Variants in CDH18 observed in about 807,000 individuals in gnomAD.
CDH18 encodes cadherin-18.
CDH18 carries 31 observed loss-of-function variants against 67.9 expected under a neutral mutation model. The ratio of observed to expected loss-of-function variants is 0.46; its 90% CI spans 0.34 to 0.62. The LOEUF (loss-of-function observed/expected upper bound fraction) is 0.62, where lower values mean the gene tolerates loss of function less well. CDH18 is among the 20% of genes least tolerant of loss of function. The pLI, the probability that CDH18 is intolerant of heterozygous loss-of-function variation, is 0.01. For missense variants in CDH18, 890 were observed against 975.5 expected (o/e 0.91, Z 1.17); for synonymous variants, 362 against 347.2 (o/e 1.04, Z -0.48).
chr5:19,686,374 A>T (rs1249478366), intron 5 of CDH18, among the ~76,000 whole-genome samples: 1 of 152,182 alleles, frequency 6.6e-6, no homozygotes, highest in Non-Finnish European at 1.5e-5. Flanking sequence ...TGAAGTTTTT[A>T]TGTGATAGTA....
chr5:19,818,559 A>T (rs1031923568), intron 3 of CDH18, among the ~76,000 whole-genome samples: 4 of 152,204 alleles, frequency 2.6e-5, no homozygotes, highest in Non-Finnish European at 5.9e-5. Flanking sequence ...ATACATTCTG[A>T]GAAGTGCATC....
chr5:19,820,249 C>CG (rs1779725677), intron 3 of CDH18, among the ~76,000 whole-genome samples: 1 of 152,116 alleles, frequency 6.6e-6, no homozygotes, highest in Non-Finnish European at 1.5e-5. Flanking sequence ...CTCCCTAAGG[C>CG]AGCCCTAGAG....
intron 1 of CDH18, among the ~76,000 whole-genome samples, chr5:20,468,006 G>GTATCTATT (rs146218771): frequency 2.7e-5 from 4 of 148,496 alleles, no homozygotes; most frequent in African/African-American, 1.0e-4. Flanking sequence ...ATTTATTTAT[G>GTATCTATT]TATTTATTTA....
At chr5:20,471,833 T>TTGAAAAAA (rs757184101) in intron 1 of CDH18, among the ~76,000 whole-genome samples, 1 of 51,500 alleles carries the variant, frequency 1.9e-5, no homozygotes, top group African/African-American at 6.5e-5. Flanking sequence ...AGATTCAGTC[T>TTGAAAAAA]AAAAAAAAAA....
chr5:20,280,778 G>A (rs920339626), intron 1 of CDH18, among the ~76,000 whole-genome samples: 2 of 152,110 alleles, frequency 1.3e-5, no homozygotes, highest in African/African-American at 4.8e-5. Context: ...CTGAGGAATC[G>A]CCACACTGAC....
intron 2 of CDH18, among the ~76,000 whole-genome samples, chr5:19,879,088 T>C (rs977285790): frequency 6.6e-6 from 1 of 152,108 alleles, no homozygotes; most frequent in East Asian, 1.9e-4. Context: ...CAATGAATAA[T>C]ACTCTAATCT....
intron 6 of CDH18, among the ~76,000 whole-genome samples, chr5:19,593,707 C>CCTCCTCCTCCTCCTCCTTCTTCTT: frequency 2.4e-3 from 81 of 33,324 alleles, no homozygotes; most frequent in African/African-American, 8.9e-3. Context: ...TCCTCCTCCT[C>CCTCCTCCTCCTCCTCCTTCTTCTT]CTTCTTCTTC....
rs115517075 is a variant in CDH18, at chr5:20,241,084, A to C, written c.-518+14360T>G. 1.0e-3 allele frequency among the ~76,000 whole-genome samples: 156 copies of C among 152,344 alleles called. 1 individual carries two copies. Among genetic ancestry groups the C allele is most frequent in the African/African-American group, 3.6e-3 (150 of 41,582 alleles). On this transcript the variant is annotated intron_variant, in intron 2 of 14. Transcript: ENST00000507958. The stretch of plus-strand genomic sequence containing the variant: ...CATTTCAAAAATATGAGAAAACAAA[A>C]CATTGTATTTACAGTCTTCCTCTGT...
chr5:20,134,632 A>T (rs759841062), intron 2 of CDH18, among the ~76,000 whole-genome samples: 9 of 152,160 alleles, frequency 5.9e-5, no homozygotes, highest in Non-Finnish European at 1.3e-4. Context: ...ATAATTCAAG[A>T]TAAGATTTGG....
intron 2 of CDH18, among the ~76,000 whole-genome samples, chr5:20,179,206 T>C (rs554390370): frequency 1.3e-5 from 2 of 152,292 alleles, no homozygotes; most frequent in East Asian, 3.9e-4. Context: ...ACATACTAAA[T>C]ATGAAGAAGC....
At chr5:19,676,243 G>T (rs1285937276) in intron 5 of CDH18, among the ~76,000 whole-genome samples, 1 of 152,038 alleles carries the variant, frequency 6.6e-6, no homozygotes, top group Non-Finnish European at 1.5e-5. Flanking sequence ...TGAAAGAGCA[G>T]AGAAAGCAAG....
chr5:20,108,574 C>T (rs1747190616), intron 2 of CDH18, among the ~76,000 whole-genome samples: 1 of 152,056 alleles, frequency 6.6e-6, no homozygotes, highest in Non-Finnish European at 1.5e-5. Flanking sequence ...ACACTCATCC[C>T]TCCACCCACA....
upstream of CDH18, among the ~76,000 whole-genome samples, chr5:19,988,509 C>A (rs1341760503): frequency 6.6e-6 from 1 of 152,006 alleles, no homozygotes; most frequent in African/African-American, 2.4e-5. Flanking sequence ...TAAATAAAAT[C>A]CCTGATCCAA....
chr5:20,172,226 A>ATATATATATATATATATATATATG (rs1736861001), intron 2 of CDH18, among the ~76,000 whole-genome samples: 1 of 105,834 alleles, frequency 9.4e-6, no homozygotes, highest in Non-Finnish European at 1.8e-5. Flanking sequence ...ATATATATGT[A>ATATATATATATATATATATATATG]TATATATATA....
chr5:20,138,942 T>C (rs1361679388), intron 2 of CDH18, among the ~76,000 whole-genome samples: 1 of 152,140 alleles, frequency 6.6e-6, no homozygotes, highest in Non-Finnish European at 1.5e-5. Flanking sequence ...AATGACTCTC[T>C]TCACAGAATT....
At chr5:19,816,062 GT>G (rs1561362829) in intron 3 of CDH18, among the ~76,000 whole-genome samples, 2 of 151,790 alleles carry the variant, frequency 1.3e-5, no homozygotes, top group African/African-American at 4.8e-5. Context: ...TCATTCTTTT[GT>G]TTATTCAGAA....
At chr5:20,524,602 A>C (rs977094170) in intron 1 of CDH18, among the ~76,000 whole-genome samples, 1 of 152,224 alleles carries the variant, frequency 6.6e-6, no homozygotes, top group African/African-American at 2.4e-5. Flanking sequence ...GTATATGTAC[A>C]TATCAATATA....
At chr5:20,125,188 T>A (rs780289518) in intron 2 of CDH18, among the ~76,000 whole-genome samples, 20 of 152,170 alleles carry the variant, frequency 1.3e-4, no homozygotes, top group Non-Finnish European at 2.4e-4. Context: ...TGCCTGAGAA[T>A]TTTTTAGACA....
At chr5:20,573,948 T>C (rs1758972066) in intron 1 of CDH18, among the ~76,000 whole-genome samples, 1 of 145,186 alleles carries the variant, frequency 6.9e-6, no homozygotes, top group Admixed American at 7.0e-5. Context: ...TTCTTTTAAG[T>C]ATTTTATATA....
Sources: gnomAD v4.1 joint callset for allele counts (sites outside exome capture counted in the v4.1 genomes callset) on GRCh38, gnomAD v4.1.1 for gene constraint, MANE v1.5 for transcripts, NCBI Gene and HGNC (gene_info 2026-07-23, HGNC 2026-07-21) for gene names.